Variants in TGOLN2 observed in about 807,000 individuals in gnomAD.
TGOLN2 encodes trans-Golgi network integral membrane protein 2.
In TGOLN2, 19 loss-of-function variants were observed where a neutral mutation model predicts 31.3. The ratio of observed to expected loss-of-function variants is 0.61; its 90% confidence interval spans 0.42 to 0.89. TGOLN2 has a LOEUF of 0.89. TGOLN2 is among the 40% of genes least tolerant of loss of function. TGOLN2 has a pLI of 0.00. For synonymous variants in TGOLN2, 222 were observed against 226.7 expected (o/e 0.98, Z 0.19); for missense variants, 540 against 559.2 (o/e 0.97, Z 0.35).
At chr2:85,326,388 T>G in intron 2 of TGOLN2, 120 bp downstream of exon 2, 1 of 944,386 alleles carries the variant, frequency 1.1e-6, no homozygotes. Flanking sequence ...AGGAAAAAAC[T>G]GAAGTTTGTT....
rs1431627893 is a variant in TGOLN2, at chr2:85,327,563, G to A, written c.169C>T (p.His57Tyr). ...TCTTTTGGAGTCTGCGGCTCCGGAT[G>A]CGACTTGGTAGAGCCTCCAGGCCGT... ...SQRPGGSTKS[H>Y]PEPQTPKDSP... Residue 57 changes from histidine (H) to tyrosine (Y), a missense_variant, in exon 2 of 4, where the codon CAT becomes TAT. Coordinates refer to ENST00000377386, the MANE Select transcript of TGOLN2 (RefSeq NM_006464.4). 5 of 1,613,964 alleles carry A rather than the reference G, an allele frequency of 3.1e-6. No individual in the cohort carries two copies. The South Asian group carries it at 4.4e-5, about 14-fold the overall frequency.
In TGOLN2 at chr2:85,320,613, T is replaced by C. The variant is rs1018822280; in HGVS notation, c.*2123A>G. Reference sequence around the variant, plus strand: ...ATGACAACCAAGCTGAACTATTCGATACCAGCAGAACTGGGTTCTTTAGGG... The same window carrying C: ...ATGACAACCAAGCTGAACTATTCGACACCAGCAGAACTGGGTTCTTTAGGG... On this transcript the variant is annotated 3_prime_UTR_variant, in exon 4 of 4. Transcript: ENST00000377386. The C allele has an allele frequency of 4.6e-5, 7 of 152,188 alleles. No individual in the cohort carries two copies. Among genetic ancestry groups the C allele is most frequent in the Non-Finnish European group, 1.0e-4 (7 of 68,060 alleles). The allele number at this position is 152,188 out of a possible 1,614,324, so 9.4% of individuals were successfully genotyped here. A position where few individuals can be genotyped will look rare whatever the true frequency, so the allele number is the denominator to read the frequency against.
Position 85,327,106 on chromosome 2 carries a change from T to G in TGOLN2, c.626A>C (p.Lys209Thr), listed in dbSNP as rs1395861024. Residue 209 changes from lysine to threonine, a missense_variant, in exon 2 of 4, where the codon AAG (lysine) becomes ACG (threonine). Lys to Thr is a moderately conservative substitution (Grantham distance 78, BLOSUM62 -1). Transcript: ENST00000377386. ...EDQTPKDVPN[K>T]SGAEKQTPKD... ...TGGAGTCTGCTTCTCCGCACCCGAC[T>G]TGTTAGGGACGTCTTTTGGGGTCTG... 2.5e-6 allele frequency: 4 copies of G among 1,613,596 alleles called. No individual in the cohort carries two copies. The Admixed American group carries it at 6.7e-5, about 27-fold the overall frequency.
chr2:85,327,503 G>A lies in TGOLN2; in HGVS notation c.229C>T (p.Pro77Ser). The A allele has an allele frequency of 6.2e-7, 1 of 1,613,538 alleles. No individual in the cohort carries two copies. Among genetic ancestry groups the A allele is most frequent in the Non-Finnish European group, 8.5e-7 (1 of 1,179,758 alleles). The change falls in exon 2 of 4, where the codon CCA becomes TCA. Residue 77 changes from proline to serine, a missense_variant. By Grantham distance (74) the Pro-to-Ser change is moderately conservative. Coordinates refer to ENST00000377386, the MANE Select transcript of TGOLN2 (RefSeq NM_006464.4). ...CCCGACTTGTTGGGGGTGTCTTCTG[G>A]GGTCTGCGCCTCCGCACTCGACTTG... is the stretch of plus-strand genomic sequence containing the variant. Reference protein sequence around the residue: ...PSKSSAEAQTPEDTPNKSGAE... With the variant: ...PSKSSAEAQTSEDTPNKSGAE...
Position 85,320,720 on chromosome 2 carries a change from T to C in TGOLN2, c.*2016A>G, listed in dbSNP as rs1195078724. ...ATGGCTGAGGAGACAGTCAAAGGAA[T>C]AGAGAGGCCTGGCTTTGAGGGCCTC... is the stretch of plus-strand genomic sequence containing the variant. On this transcript the variant is annotated 3_prime_UTR_variant, in exon 4 of 4. Coordinates refer to ENST00000377386, the MANE Select transcript of TGOLN2 (RefSeq NM_006464.4). 6.6e-6 allele frequency: 1 copy of C among 152,150 alleles called. No homozygotes were observed. The highest frequency in any genetic ancestry group is 2.4e-5 in the African/African-American group (1 of 41,412). 9.4% of individuals were successfully genotyped at this position (152,150 alleles called of 1,614,324 possible).
chr2:85,326,761 T>C lies in TGOLN2; in HGVS notation c.971A>G (p.Lys324Arg). The C allele has an allele frequency of 3.1e-6, 5 of 1,614,022 alleles. No homozygotes were observed. The highest frequency in any genetic ancestry group is 4.2e-6 in the Non-Finnish European group (5 of 1,179,896). Residue 324 changes from lysine to arginine, a missense_variant, in exon 2 of 4, where the codon AAA becomes AGA. Physicochemically the swap from Lys to Arg is conservative, Grantham distance 26. Coordinates refer to ENST00000377386, the MANE Select transcript of TGOLN2 (RefSeq NM_006464.4). Reference sequence around the variant, plus strand: ...TCCTGTATCATCATCTTCAGCCTCTTTGGGCTCCACATCCTCAGTAGGCTC... The same window carrying C: ...TCCTGTATCATCATCTTCAGCCTCTCTGGGCTCCACATCCTCAGTAGGCTC... ...SSEPTEDVEP[K>R]EAEDDDTGPE...
chr2:85,323,234 A>G (rs1362944974), intron 3 of TGOLN2, among the ~76,000 whole-genome samples: 1 of 152,200 alleles, frequency 6.6e-6, no homozygotes, highest in Non-Finnish European at 1.5e-5. Flanking sequence ...TTGGGATTAC[A>G]GGCGTGAACC....
intron 2 of TGOLN2, among the ~76,000 whole-genome samples, chr2:85,325,290 C>G (rs1682690911): frequency 6.6e-6 from 1 of 152,134 alleles, no homozygotes; most frequent in Non-Finnish European, 1.5e-5. Context: ...AGTCAAAGAT[C>G]TATCAACTCC....
chr2:85,326,672 T>G lies in TGOLN2; in HGVS notation c.1060A>C (p.Asn354His), dbSNP rs753999105. The G allele has an allele frequency of 6.2e-7, 1 of 1,614,048 alleles. No individual in the cohort carries two copies. Among genetic ancestry groups the G allele is most frequent in the Admixed American group, 1.7e-5 (1 of 60,032 alleles). Residue 354 changes from asparagine (N) to histidine (H), a missense_variant, in exon 2 of 4, where the codon AAC (asparagine) becomes CAC (histidine). Asn to His is a moderately conservative substitution (Grantham distance 68). Transcript: ENST00000377386. ...EKMSGSASSE[N>H]REGTLSDSTG... ...GAATCCGAAAGTGTCCCTTCACGGT[T>G]CTCACTGGAGGCAGAACCGGACATC... is the stretch of plus-strand genomic sequence containing the variant.
chr2:85,326,938 G>T lies in TGOLN2; in HGVS notation c.794C>A (p.Pro265His). The T allele has an allele frequency of 1.2e-6, 2 of 1,613,950 alleles. No homozygotes were observed. Among genetic ancestry groups the T allele is most frequent in the Non-Finnish European group, 1.7e-6 (2 of 1,179,828 alleles). ...EQPSRKDHSK[P>H]ISNPSDNKEL... is the part of the protein sequence containing the mutation. ...CTTGTTATCAGAAGGGTTGGAGATG[G>T]GCTTGGAATGGTCTTTCCGGGAAGG... The change falls in exon 2 of 4, where the codon CCC (proline) becomes CAC (histidine). Residue 265 changes from proline (P) to histidine (H), a missense_variant. Pro to His is a moderately conservative substitution (Grantham distance 77, BLOSUM62 -2). Transcript: ENST00000377386.
rs185548905 is a variant in TGOLN2, at chr2:85,318,858, C to G, written c.*3878G>C. On this transcript the variant is annotated 3_prime_UTR_variant, in exon 4 of 4. Coordinates refer to ENST00000377386, the MANE Select transcript of TGOLN2 (RefSeq NM_006464.4). ...CCAGAAGTAGACTCTTTCAGCAACTCTATTCAGGAATCTGCAGCAGGAAAA... is the reference window on the plus strand; with the variant it reads ...CCAGAAGTAGACTCTTTCAGCAACTGTATTCAGGAATCTGCAGCAGGAAAA... 1.3e-5 allele frequency: 2 copies of G among 152,332 alleles called. No individual in the cohort carries two copies. Among genetic ancestry groups the G allele is most frequent in the East Asian group, 1.9e-4 (1 of 5,192 alleles). The allele number at this position is 152,332 out of a possible 1,614,324, so 9.4% of individuals were successfully genotyped here.
chr2:85,327,916 C>G lies in TGOLN2; in HGVS notation c.46+1G>C, dbSNP rs959413772. The G allele has an allele frequency of 2.5e-6, 4 of 1,601,358 alleles. No individual in the cohort carries two copies. Among genetic ancestry groups the G allele is most frequent in the Non-Finnish European group, 2.6e-6 (3 of 1,174,366 alleles). ...GTGGGATGCGGGATGGAGGGTCTTACCCGCCGCTGCGACGTTCAGGAGGAC... is the reference window on the plus strand; with the variant it reads ...GTGGGATGCGGGATGGAGGGTCTTAGCCGCCGCTGCGACGTTCAGGAGGAC... On this transcript the variant is annotated splice_donor_variant, in intron 1 of 3. Transcript: ENST00000377386. LOFTEE classifies it high-confidence loss of function.
intron 3 of TGOLN2, chr2:85,324,436 G>T (rs1573047832): frequency 6.3e-6 from 1 of 157,772 alleles, no homozygotes; most frequent in Non-Finnish European, 1.4e-5. Context: ...AAAAAAAAAA[G>T]AATGTAGAAA....
In TGOLN2 at chr2:85,327,218, C is replaced by T; in HGVS notation, c.514G>A (p.Ala172Thr). The T allele has an allele frequency of 6.2e-7, 1 of 1,612,130 alleles. No individual in the cohort carries two copies. The highest frequency in any genetic ancestry group is 8.5e-7 in the Non-Finnish European group (1 of 1,179,472). Residue 172 changes from alanine to threonine, a missense_variant, in exon 2 of 4, where the codon GCG (alanine) becomes ACG (threonine). Transcript: ENST00000377386. Reference protein sequence around the residue: ...KDSPSKSGSEAQTTKDVPNKS... With the variant: ...KDSPSKSGSETQTTKDVPNKS... ...TTAGGGACATCTTTTGTGGTCTGCG[C>T]CTCCGAACCTGACTTGCTAGGGCTG...
In TGOLN2 at chr2:85,325,047, T is replaced by C. The variant is rs141420042; in HGVS notation, c.1225-49A>G. The C allele has an allele frequency of 3.3e-5, 51 of 1,529,078 alleles. No individual in the cohort carries two copies. The African/African-American group carries it at 4.1e-4, about 12-fold the overall frequency. 94.7% of individuals were successfully genotyped at this position (1,529,078 alleles called of 1,614,324 possible). On this transcript the variant is annotated intron_variant, in intron 2 of 3. Transcript: ENST00000377386. ...ATTAACAGGTGGCTCTGTAATGACA[T>C]AGTTCAGTCTCTGAACTCAGAGGCA...
At chr2:85,323,456 C>A (rs550557676) in intron 3 of TGOLN2, among the ~76,000 whole-genome samples, 10 of 152,086 alleles carry the variant, frequency 6.6e-5, no homozygotes, top group Non-Finnish European at 1.3e-4. Context: ...ATCCCACCTA[C>A]TCGGGAGGCT....
rs201457627 is a variant in TGOLN2 at position 85,322,752 on chromosome 2, A to G, written c.1309-11T>C. 225 of 1,610,822 alleles carry G rather than the reference A, an allele frequency of 1.4e-4. No homozygotes were observed. In the African/African-American group the frequency reaches 2.7e-3, roughly 20 times the overall value. On this transcript the variant is annotated splice_polypyrimidine_tract_variant and intron_variant, in intron 3 of 3. Transcript: ENST00000377386. The stretch of plus-strand genomic sequence containing the variant: ...ACCATTCTGTTAGGACTTAGGGGAA[A>G]AAAGATCTTTTAGGAGGTGCAGGGA...
Position 85,326,677 on chromosome 2 carries a change from C to T in TGOLN2, c.1055G>A (p.Ser352Asn). The T allele has an allele frequency of 6.2e-7, 1 of 1,614,060 alleles. No individual in the cohort carries two copies. The highest frequency in any genetic ancestry group is 1.1e-5 in the South Asian group (1 of 91,086). ...EKEKMSGSAS[S>N]ENREGTLSDS... Reference sequence around the variant, plus strand: ...CGAAAGTGTCCCTTCACGGTTCTCACTGGAGGCAGAACCGGACATCTTTTC... The same window carrying T: ...CGAAAGTGTCCCTTCACGGTTCTCATTGGAGGCAGAACCGGACATCTTTTC... The change falls in exon 2 of 4, where the codon AGT (serine) becomes AAT (asparagine). Residue 352 changes from serine to asparagine, a missense_variant. Physicochemically the swap from Ser to Asn is conservative, Grantham distance 46. Coordinates refer to ENST00000377386, the MANE Select transcript of TGOLN2 (RefSeq NM_006464.4).
At position 85,327,661 on chromosome 2, in the gene TGOLN2, T is replaced by G. The variant is rs1470459714; in HGVS notation, c.71A>C (p.Glu24Ala). 1.2e-6 allele frequency: 2 copies of G among 1,612,644 alleles called. No individual in the cohort carries two copies. Among genetic ancestry groups the G allele is most frequent in the Non-Finnish European group, 1.7e-6 (2 of 1,179,068 alleles). ...TCCAGCTTCTTCTTGCTTGACGCTT[T>G]CGGTGGCCAAGAGCGGCACGGCTCC... Reference protein sequence around the residue: ...AAGAVPLLATESVKQEEAGVR... With the variant: ...AAGAVPLLATASVKQEEAGVR... Residue 24 changes from glutamate to alanine, a missense_variant, in exon 2 of 4, where the codon GAA becomes GCA. Coordinates refer to ENST00000377386, the MANE Select transcript of TGOLN2 (RefSeq NM_006464.4).
Sources: allele counts gnomAD v4.1 joint callset (sites outside exome capture counted in the v4.1 genomes callset), GRCh38; gene constraint gnomAD v4.1.1; transcripts MANE v1.5; gene names NCBI Gene and HGNC (gene_info 2026-07-23, HGNC 2026-07-21).